NIM1K: variants seen among roughly 807,000 people sequenced by gnomAD.
The protein encoded by NIM1K is serine/threonine-protein kinase NIM1.
Under a neutral mutation model 37.1 loss-of-function variants are expected in NIM1K, and 35 were observed. The ratio of observed to expected loss-of-function variants is 0.94; its 90% confidence interval spans 0.72 to 1.25. The LOEUF (loss-of-function observed/expected upper bound fraction) is 1.25. Among genes scored for constraint, NIM1K ranks in the 50% most tolerant of loss-of-function variants. The pLI, the probability that NIM1K is intolerant of heterozygous loss-of-function variation, is 0.00. For synonymous variants in NIM1K, 234 were observed against 206.6 expected (o/e 1.13, Z -1.14); for missense variants, 564 against 548.0 (o/e 1.03, Z -0.29).
At position 43,206,880 on chromosome 5, in the gene NIM1K, G is replaced by A. The variant is rs1471033352; in HGVS notation, c.-695+14469G>A. The A allele has an allele frequency of 1.0e-5, 8 of 769,918 alleles. No homozygotes were observed. The Admixed American group carries it at 1.2e-4, about 12-fold the overall frequency. The allele number at this position is 769,918 out of a possible 1,614,324, so 47.7% of individuals were successfully genotyped here. On this transcript the variant is annotated intron_variant, in intron 1 of 3. Transcript: ENST00000326035. ...ATGCACAAACAAGAACGGCAGCTTT[G>A]CCAATTTGAGAATTTACCCACATGG...
At chr5:43,277,985 C>T (rs111992791) in intron 3 of NIM1K, among the ~76,000 whole-genome samples, 85 of 150,980 alleles carry the variant, frequency 5.6e-4, no homozygotes, top group African/African-American at 2.0e-3. Context: ...TCCACCCTTC[C>T]TTCCTTCCTT....
intron 3 of NIM1K, among the ~76,000 whole-genome samples, chr5:43,277,933 C>T (rs1753374873): frequency 6.6e-6 from 1 of 151,918 alleles, no homozygotes; most frequent in South Asian, 2.1e-4. Context: ...TAGATTAACA[C>T]TTGGTTGTGT....
rs145211691 is a variant in NIM1K, at chr5:43,207,901, T to C, written c.-695+15490T>C. 9.4e-4 allele frequency: 305 copies of C among 323,378 alleles called. 1 individual carries two copies. The highest frequency in any genetic ancestry group is 6.5e-3 in the African/African-American group (288 of 44,504). 20.0% of individuals were successfully genotyped at this position (323,378 alleles called of 1,614,324 possible). The stretch of plus-strand genomic sequence containing the variant: ...ACATCAGAATGAGTCAGGCAATTGA[T>C]TGTGAATTCCTCAAAGTTTTCCTTT... On this transcript the variant is annotated intron_variant, in intron 1 of 3. Transcript: ENST00000326035.
chr5:43,269,914 G>T (rs184158242), intron 2 of NIM1K, among the ~76,000 whole-genome samples: 1 of 152,050 alleles, frequency 6.6e-6, no homozygotes, highest in Non-Finnish European at 1.5e-5. Context: ...CACCGTGCCC[G>T]GCCATGTGTG....
At chr5:43,197,485 A>G (rs1393388768) in intron 1 of NIM1K, among the ~76,000 whole-genome samples, 1 of 152,166 alleles carries the variant, frequency 6.6e-6, no homozygotes. Flanking sequence ...CACCTTAGTC[A>G]TTTTTAATCA....
chr5:43,236,012 G>C (rs186340408), intron 1 of NIM1K, among the ~76,000 whole-genome samples: 2 of 152,094 alleles, frequency 1.3e-5, no homozygotes, highest in African/African-American at 4.8e-5. Flanking sequence ...GGTTGTTCAC[G>C]CCTGTAATCA....
intron 1 of NIM1K, among the ~76,000 whole-genome samples, chr5:43,203,080 G>A (rs1318479128): frequency 1.3e-5 from 2 of 151,926 alleles, no homozygotes; most frequent in Non-Finnish European, 2.9e-5. Flanking sequence ...GCTCCTAACC[G>A]CCTTCCACCA....
intron 2 of NIM1K, among the ~76,000 whole-genome samples, chr5:43,253,969 G>A (rs1333654013): frequency 6.6e-6 from 1 of 152,114 alleles, no homozygotes; most frequent in Non-Finnish European, 1.5e-5. Context: ...TCGTTTAGGA[G>A]CTTTAAGCAA....
chr5:43,262,672 C>G (rs537698255), intron 2 of NIM1K, among the ~76,000 whole-genome samples: 1 of 152,086 alleles, frequency 6.6e-6, no homozygotes, highest in Non-Finnish European at 1.5e-5. Flanking sequence ...GAGAGGGCAT[C>G]CCTGTCTTGT....
Position 43,241,480 on chromosome 5 carries a change from C to T in NIM1K, c.-694-3602C>T, listed in dbSNP as rs535057262. ...TCAGCCTCCTGAGTAGCTGGGACTA[C>T]AGGTGTGCACCACCACGCCCAGCTA... On this transcript the variant is annotated intron_variant, in intron 1 of 3. Transcript: ENST00000326035. Among the ~76,000 whole-genome samples the T allele has an allele frequency of 1.9e-4, 29 of 151,820 alleles. 2 individuals carry two copies. The highest frequency in any genetic ancestry group is 7.0e-4 in the African/African-American group (29 of 41,202).
At chr5:43,206,912 T>A in intron 1 of NIM1K, 1 of 769,116 alleles carries the variant, frequency 1.3e-6, no homozygotes, top group East Asian at 2.5e-5. Context: ...ATGGATTGTG[T>A]TGCTGGATCT....
At chr5:43,213,171 TTCTTTCTTTCTTTC>T (rs1752230020) in intron 1 of NIM1K, among the ~76,000 whole-genome samples, 1 of 66,166 alleles carries the variant, frequency 1.5e-5, no homozygotes, top group Non-Finnish European at 3.3e-5. Flanking sequence ...CTTTTTTTCT[TTCTTTCTTTCTTTC>T]TTTCTTTCTT....
At chr5:43,270,320 C>T (rs1753236550) in intron 2 of NIM1K, among the ~76,000 whole-genome samples, 1 of 152,080 alleles carries the variant, frequency 6.6e-6, no homozygotes. Flanking sequence ...GAGGGCTGCT[C>T]TTTAGTATAT....
At chr5:43,194,992 T>C (rs967181921) in intron 1 of NIM1K, 1 of 152,206 alleles carries the variant, frequency 6.6e-6, no homozygotes, top group African/African-American at 2.4e-5. Context: ...AAAATTAAAA[T>C]ATAACATTAA....
intron 2 of NIM1K, among the ~76,000 whole-genome samples, chr5:43,269,404 TTG>T (rs1201119407): frequency 6.6e-6 from 1 of 151,656 alleles, no homozygotes; most frequent in Admixed American, 6.6e-5. Context: ...TACCTTGTGC[TTG>T]TGTGAATCCT....
At chr5:43,224,193 C>T (rs1247667644) in intron 1 of NIM1K, among the ~76,000 whole-genome samples, 4 of 152,074 alleles carry the variant, frequency 2.6e-5, no homozygotes, top group East Asian at 3.9e-4. Flanking sequence ...CGTGAGCCAC[C>T]GCACCCGGCC....
At chr5:43,256,292 G>A (rs1344456901) in intron 2 of NIM1K, among the ~76,000 whole-genome samples, 1 of 152,204 alleles carries the variant, frequency 6.6e-6, no homozygotes, top group Admixed American at 6.5e-5. Flanking sequence ...GGACTAGGAA[G>A]GTAGTAGTGG....
intron 1 of NIM1K, among the ~76,000 whole-genome samples, chr5:43,206,531 G>A (rs1034804539): frequency 2.6e-5 from 4 of 151,726 alleles, no homozygotes; most frequent in African/African-American, 9.7e-5. Flanking sequence ...ATAGGTTGGG[G>A]GAGAAAAAAA....
intron 1 of NIM1K, among the ~76,000 whole-genome samples, chr5:43,227,190 G>C (rs373465111): frequency 6.6e-6 from 1 of 152,034 alleles, no homozygotes; most frequent in Non-Finnish European, 1.5e-5. Flanking sequence ...GAGAAACCCT[G>C]TCTCTACTAA....
Sources: gnomAD v4.1 joint callset for allele counts (sites outside exome capture counted in the v4.1 genomes callset) on GRCh38, gnomAD v4.1.1 for gene constraint, MANE v1.5 for transcripts, NCBI Gene and HGNC (gene_info 2026-07-23, HGNC 2026-07-21) for gene names.